The following GPC6 variants were observed in gnomAD, a reference collection of about 807,000 sequenced individuals.
GPC6 encodes the protein glypican 6, also known as glypican-6.
GPC6 carries 14 observed loss-of-function variants against 55.2 expected under a neutral mutation model. That is an observed-to-expected ratio of 0.25 (90% confidence interval 0.17 to 0.40). The LOEUF is 0.40. GPC6 is among the 10% of genes least tolerant of loss of function. GPC6 has a pLI of 1.00. For synonymous variants in GPC6, 278 were observed against 259.6 expected, an observed-to-expected ratio of 1.07 and a Z score of -0.68; for missense variants, 641 against 708.5, an observed-to-expected ratio of 0.90 and a Z score of 1.08.
At chr13:93,766,490 G>A (rs200410520) in intron 2 of GPC6, among the ~76,000 whole-genome samples, 1 of 151,964 alleles carries the variant, frequency 6.6e-6, no homozygotes, top group Non-Finnish European at 1.5e-5. Flanking sequence ...TATGTTAAGT[G>A]TTCTTACTAT....
At chr13:93,677,973 T>G (rs1343290773) in intron 2 of GPC6, among the ~76,000 whole-genome samples, 1 of 152,140 alleles carries the variant, frequency 6.6e-6, no homozygotes, top group East Asian at 1.9e-4. Flanking sequence ...ATTAAAAAAT[T>G]TAAATACTAA....
chr13:94,338,506 T>C (rs1877846161), intron 6 of GPC6, among the ~76,000 whole-genome samples: 1 of 152,128 alleles, frequency 6.6e-6, no homozygotes, highest in Admixed American at 6.5e-5. Context: ...AATTACACCA[T>C]ATTTGGTCCT....
chr13:94,244,052 A>G (rs1891129183), intron 4 of GPC6, among the ~76,000 whole-genome samples: 1 of 152,198 alleles, frequency 6.6e-6, no homozygotes, highest in African/African-American at 2.4e-5. Context: ...GAAAGACAAG[A>G]TAAATGTTTA....
chr13:94,024,195 T>C (rs1175915192), intron 3 of GPC6, among the ~76,000 whole-genome samples: 1 of 152,016 alleles, frequency 6.6e-6, no homozygotes, highest in Admixed American at 6.6e-5. Flanking sequence ...AATAGCAATG[T>C]ACTAATGTCA....
intron 1 of GPC6, among the ~76,000 whole-genome samples, chr13:93,236,153 G>T (rs1876225746): frequency 6.6e-6 from 1 of 152,164 alleles, no homozygotes; most frequent in South Asian, 2.1e-4. Context: ...CAAAGGATAT[G>T]GTCTTTCAGC....
chr13:93,977,973 C>T (rs923153446), intron 3 of GPC6, among the ~76,000 whole-genome samples: 2 of 152,134 alleles, frequency 1.3e-5, no homozygotes, highest in Non-Finnish European at 2.9e-5. Flanking sequence ...GAAGAGAAAT[C>T]GCCATAGAGT....
intron 4 of GPC6, among the ~76,000 whole-genome samples, chr13:94,146,622 T>C (rs777056287): frequency 6.6e-6 from 1 of 152,136 alleles, no homozygotes; most frequent in African/African-American, 2.4e-5. Context: ...GATAGAGACA[T>C]GTCCAAGGTT....
At chr13:93,243,863 C>T (rs138185976) in intron 1 of GPC6, among the ~76,000 whole-genome samples, 7 of 152,170 alleles carry the variant, frequency 4.6e-5, no homozygotes, top group East Asian at 1.9e-4. Flanking sequence ...CAGGAGGTAG[C>T]GCTTGTAGGA....
intron 2 of GPC6, among the ~76,000 whole-genome samples, chr13:93,616,193 T>C (rs1010116874): frequency 6.6e-6 from 1 of 152,108 alleles, no homozygotes; most frequent in Non-Finnish European, 1.5e-5. Context: ...TTTTTCCTTT[T>C]AAAGAACAAA....
intron 1 of GPC6, among the ~76,000 whole-genome samples, chr13:93,516,850 A>G (rs747479044): frequency 6.6e-5 from 10 of 152,214 alleles, no homozygotes; most frequent in Middle Eastern, 6.8e-3. Context: ...AATTGGGTGG[A>G]TATGCAGTTA....
At chr13:94,265,808 A>G (rs1026534680) in intron 4 of GPC6, among the ~76,000 whole-genome samples, 1 of 152,210 alleles carries the variant, frequency 6.6e-6, no homozygotes, top group Admixed American at 6.5e-5. Flanking sequence ...GCCACATATG[A>G]TTTTGTAAAT....
chr13:94,353,136 G>A (rs946560499), intron 6 of GPC6, among the ~76,000 whole-genome samples: 4 of 152,148 alleles, frequency 2.6e-5, no homozygotes, highest in African/African-American at 9.7e-5. Context: ...TTACAAGGAA[G>A]GGAGGGAGAC....
chr13:94,105,049 C>T (rs1185210111), intron 4 of GPC6, among the ~76,000 whole-genome samples: 1 of 152,128 alleles, frequency 6.6e-6, no homozygotes, highest in African/African-American at 2.4e-5. Flanking sequence ...AGGCATCACG[C>T]TACCTGACTT....
chr13:93,822,719 A>T (rs1176875943), intron 2 of GPC6, among the ~76,000 whole-genome samples: 2 of 150,428 alleles, frequency 1.3e-5, no homozygotes, highest in East Asian at 3.9e-4. Context: ...CTCTTGTGTT[A>T]GTTTGCTGAG....
At chr13:93,460,084 C>A (rs918556916) in intron 1 of GPC6, among the ~76,000 whole-genome samples, 7 of 152,172 alleles carry the variant, frequency 4.6e-5, no homozygotes, top group Non-Finnish European at 8.8e-5. Context: ...TCTGGTGGCA[C>A]CTTTCTGACA....
chr13:93,762,907 A>T (rs1884998212), intron 2 of GPC6, among the ~76,000 whole-genome samples: 1 of 152,198 alleles, frequency 6.6e-6, no homozygotes, highest in South Asian at 2.1e-4. Context: ...CCCTGTGCCA[A>T]GAAGACATTG....
At chr13:93,566,339 A>G (rs567436037) in intron 2 of GPC6, among the ~76,000 whole-genome samples, 1 of 152,234 alleles carries the variant, frequency 6.6e-6, no homozygotes, top group South Asian at 2.1e-4. Context: ...TAGTGTTTTT[A>G]TATAAAAAGC....
intron 4 of GPC6, among the ~76,000 whole-genome samples, chr13:94,217,307 A>G (rs182619941): frequency 3.3e-5 from 5 of 152,340 alleles, no homozygotes; most frequent in South Asian, 2.1e-4. Context: ...GTTATGTTCA[A>G]TAATGTTCAA....
intron 4 of GPC6, among the ~76,000 whole-genome samples, chr13:94,279,458 T>A (rs1161695476): frequency 2.6e-5 from 4 of 152,130 alleles, no homozygotes; most frequent in Non-Finnish European, 5.9e-5. Flanking sequence ...TCTGCCCCGA[T>A]CTTAGTTATT....
Sources: gnomAD v4.1 joint callset for allele counts (sites outside exome capture counted in the v4.1 genomes callset) on GRCh38, gnomAD v4.1.1 for gene constraint, MANE v1.5 for transcripts, NCBI Gene and HGNC (gene_info 2026-07-23, HGNC 2026-07-21) for gene names.